Variants in PUDP observed in about 807,000 individuals in gnomAD.
PUDP encodes the protein pseudouridine-5'-phosphatase.
PUDP carries 8 observed loss-of-function variants against 9.4 expected under a neutral mutation model. The observed-to-expected ratio is 0.85, with a 90% CI of 0.50 to 1.53. The LOEUF is 1.53. Among genes scored for constraint, PUDP ranks in the 40% most tolerant of loss-of-function variants. PUDP has a pLI of 0.00. For missense variants in PUDP, 188 were observed against 189.7 expected (o/e 0.99, Z 0.05); for synonymous variants, 99 against 80.7 (o/e 1.23, Z -1.22).
intron 3 of PUDP, among the ~76,000 whole-genome samples, chrX:6,875,343 A>T (rs1232554507): frequency 8.0e-5 from 9 of 111,856 alleles, no homozygotes; most frequent in Admixed American, 9.5e-5. Flanking sequence ...GAGCCACTGC[A>T]CCCGGCCCAA....
intron 3 of PUDP, among the ~76,000 whole-genome samples, chrX:6,860,541 G>A (rs1467804658): frequency 1.8e-5 from 2 of 109,171 alleles, no homozygotes; most frequent in Non-Finnish European, 3.8e-5. Flanking sequence ...CATGATCTCG[G>A]CTCACTGCAA....
chrX:6,738,408 C>A (rs181964405), intron 3 of PUDP, among the ~76,000 whole-genome samples: 38 of 111,467 alleles, frequency 3.4e-4, no homozygotes, highest in Non-Finnish European at 6.6e-4. Context: ...CTGTCTGCAC[C>A]TTAGAACCAC....
At position 7,135,296 on chromosome X, in the gene PUDP, C is replaced by T. The variant is rs571295179; in HGVS notation, c.61+12757G>A. 6.2e-5 allele frequency among the ~76,000 whole-genome samples: 7 copies of T among 112,353 alleles called. No homozygotes were observed. The East Asian group carries it at 1.7e-3, about 27-fold the overall frequency. ...TGTCTCATCAGCATATGATGTGACA[C>T]ACAGGTACCAGTGGCTACTCTTTGA... is the stretch of plus-strand genomic sequence containing the variant. On this transcript the variant is annotated intron_variant, in intron 1 of 3. Transcript: ENST00000381077.
At chrX:6,959,185 G>A (rs942829573) in intron 3 of PUDP, among the ~76,000 whole-genome samples, 1 of 111,824 alleles carries the variant, frequency 8.9e-6, no homozygotes, top group Non-Finnish European at 1.9e-5. Context: ...AACAATGGGA[G>A]AATGATCCTG....
intron 3 of PUDP, among the ~76,000 whole-genome samples, chrX:6,767,807 ACTTT>A (rs1177930273): frequency 8.9e-6 from 1 of 112,160 alleles, no homozygotes; most frequent in African/African-American, 3.2e-5. Context: ...CCCACCTGCA[ACTTT>A]CTTTGTCAGC....
intron 3 of PUDP, among the ~76,000 whole-genome samples, chrX:6,743,060 G>T (rs1924958657): frequency 8.9e-6 from 1 of 112,140 alleles, no homozygotes; most frequent in Non-Finnish European, 1.9e-5. Context: ...GATGCTTTCA[G>T]TAGGGGAAAC....
At chrX:7,074,402 A>C (rs1420348570) in intron 3 of PUDP, among the ~76,000 whole-genome samples, 1 of 112,084 alleles carries the variant, frequency 8.9e-6, no homozygotes, top group East Asian at 2.8e-4. Context: ...AAACCAAAAA[A>C]CCCCACATGA....
At chrX:7,140,807 C>T (rs1932787753) in intron 1 of PUDP, among the ~76,000 whole-genome samples, 2 of 112,037 alleles carry the variant, frequency 1.8e-5, no homozygotes, top group African/African-American at 6.5e-5. Context: ...GAAAGTCTAT[C>T]AACACCATTT....
At chrX:6,943,385 C>T (rs373081256) in intron 3 of PUDP, among the ~76,000 whole-genome samples, 24 of 108,787 alleles carry the variant, frequency 2.2e-4, no homozygotes, top group African/African-American at 6.9e-4. Flanking sequence ...TCTTTCATCT[C>T]GGTAGAAATT....
chrX:7,000,152 A>AGG (rs1251464066), intron 1 of PUDP, among the ~76,000 whole-genome samples: 1 of 110,094 alleles, frequency 9.1e-6, no homozygotes, highest in Non-Finnish European at 1.9e-5. Context: ...AGAGAGAGAG[A>AGG]GAGAGAAACA....
chrX:6,871,498 A>G (rs1459841009), intron 3 of PUDP, among the ~76,000 whole-genome samples: 1 of 112,038 alleles, frequency 8.9e-6, no homozygotes, highest in African/African-American at 3.2e-5. Flanking sequence ...TCAGCTATTC[A>G]CAAGACCTAT....
intron 3 of PUDP, among the ~76,000 whole-genome samples, chrX:6,865,379 T>C (rs1927063631): frequency 8.9e-6 from 1 of 112,370 alleles, no homozygotes; most frequent in Admixed American, 9.5e-5. Context: ...AAATTCTCTC[T>C]CATTCAGAGA....
intron 3 of PUDP, among the ~76,000 whole-genome samples, chrX:7,060,986 T>G (rs1930385452): frequency 9.0e-6 from 1 of 111,643 alleles, no homozygotes; most frequent in Non-Finnish European, 1.9e-5. Context: ...TTCCTTTAGA[T>G]AGAGAGGGGC....
chrX:6,963,655 G>A lies in PUDP; in HGVS notation c.*247+13478C>T, dbSNP rs747412564. 8.9e-5 allele frequency among the ~76,000 whole-genome samples: 10 copies of A among 111,857 alleles called. No individual in the cohort carries two copies. The East Asian group carries it at 1.1e-3, about 13-fold the overall frequency. ...TATGCAGGCTGTAACTGAGAGATCC[G>A]CAGGGGTGTGTTTGTGAAACCTCTA... On this transcript the variant is annotated intron_variant and NMD_transcript_variant, in intron 3 of 3. Transcript: ENST00000655425.
downstream of PUDP, among the ~76,000 whole-genome samples, chrX:7,048,059 C>T (rs1055316718): frequency 9.0e-6 from 1 of 111,661 alleles, no homozygotes; most frequent in African/African-American, 3.3e-5. Flanking sequence ...ATATAAAACA[C>T]CAAACTCCAT....
In PUDP at chrX:6,824,508, C is replaced by G. The variant is rs754275249; in HGVS notation, c.*248-118042G>C. On this transcript the variant is annotated intron_variant and NMD_transcript_variant, in intron 3 of 3. Coordinates refer to the PUDP transcript ENST00000655425. ...TAGGTCTCAGTCTTATTTTACTCAG[C>G]CCATACTCAAGATGGAGTCACTCTG... is the stretch of plus-strand genomic sequence containing the variant. Among the ~76,000 whole-genome samples, 285 of 111,375 alleles carry G rather than the reference C, an allele frequency of 2.6e-3. 1 individual carries two copies. The highest frequency in any genetic ancestry group is 4.0e-3 in the Non-Finnish European group (210 of 53,072).
intron 3 of PUDP, among the ~76,000 whole-genome samples, chrX:6,934,920 C>G (rs777037347): frequency 0.015 from 1,224 of 82,394 alleles, 39 homozygotes; most frequent in African/African-American, 0.053. Context: ...ATCAATTCAA[C>G]AAGAAGAGCT....
intron 1 of PUDP, among the ~76,000 whole-genome samples, chrX:6,986,991 ACCCACC>A (rs895994854): frequency 3.6e-5 from 4 of 111,797 alleles, no homozygotes; most frequent in African/African-American, 1.3e-4. Context: ...GCCTGCCAAG[ACCCACC>A]CCATTTCATC....
At chrX:7,053,049 T>C in intron 3 of PUDP, among the ~76,000 whole-genome samples, 1 of 112,261 alleles carries the variant, frequency 8.9e-6, no homozygotes, top group East Asian at 2.8e-4. Flanking sequence ...ACTGTTTTTA[T>C]CTGGGACCAG....
Sources: allele counts gnomAD v4.1 joint callset (sites outside exome capture counted in the v4.1 genomes callset), GRCh38; gene constraint gnomAD v4.1.1; transcripts MANE v1.5; gene names NCBI Gene and HGNC (gene_info 2026-07-23, HGNC 2026-07-21).